Variants in ZNF106 observed in about 807,000 individuals in gnomAD.
ZNF106 encodes zinc finger protein 106, also known as SH3-domain binding protein 3.
A neutral mutation model predicts 195.1 loss-of-function variants in ZNF106; 67 were observed. That is an observed-to-expected ratio of 0.34 (90% CI 0.28 to 0.42). The LOEUF (loss-of-function observed/expected upper bound fraction) is 0.42, where lower values mean the gene tolerates loss of function less well. Ranked by LOEUF, ZNF106 falls within the 10% of genes least tolerant of loss-of-function variation. The probability of loss-of-function intolerance (pLI) is 1.00; values close to 1 mark genes in which losing one functional copy is unlikely to be tolerated. For missense variants in ZNF106, 2,118 were observed against 2,304.5 expected (o/e 0.92, Z 1.66); for synonymous variants, 784 against 818.6 (o/e 0.96, Z 0.72).
At chr15:42,457,702 G>A in intron 3 of ZNF106, 1 of 242,342 alleles carries the variant, frequency 4.1e-6, no homozygotes, top group Non-Finnish European at 6.7e-6. Context: ...CCCAGGAGTA[G>A]TCCAGGCAAA....
chr15:42,486,832 C>T (rs1445351276), intron 1 of ZNF106, among the ~76,000 whole-genome samples: 2 of 152,032 alleles, frequency 1.3e-5, no homozygotes, highest in African/African-American at 4.8e-5. Flanking sequence ...ACAATAAATA[C>T]ATATATTTTA....
chr15:42,455,025 A>C (rs2056181456), intron 4 of ZNF106, among the ~76,000 whole-genome samples: 2 of 152,250 alleles, frequency 1.3e-5, no homozygotes, highest in Non-Finnish European at 2.9e-5. Flanking sequence ...TTATTTACAC[A>C]GATAAAGCTA....
intron 19 of ZNF106, 134 bp from the exon 20 acceptor site, chr15:42,421,266 G>T: frequency 1.3e-6 from 1 of 777,056 alleles, no homozygotes; most frequent in Non-Finnish European, 2.2e-6. Flanking sequence ...CTCCAGAGCA[G>T]GAGAATGGGA....
intron 1 of ZNF106, among the ~76,000 whole-genome samples, chr15:42,479,386 T>A (rs973120963): frequency 6.6e-6 from 1 of 152,004 alleles, no homozygotes; most frequent in Admixed American, 6.6e-5. Flanking sequence ...AAAAAATTAA[T>A]AATAATTTTA....
chr15:42,421,350 G>T (rs1253761938), intron 19 of ZNF106, among the ~76,000 whole-genome samples: 2 of 152,150 alleles, frequency 1.3e-5, no homozygotes, highest in African/African-American at 4.8e-5. Flanking sequence ...GACCAGGGCA[G>T]AGAGGAGTGG....
rs1162719676 is a variant in ZNF106, at chr15:42,449,913, G to A, written c.2359C>T (p.Arg787Ter). 1.2e-6 allele frequency: 2 copies of A among 1,613,930 alleles called. No homozygotes were observed. The highest frequency in any genetic ancestry group is 1.7e-6 in the Non-Finnish European group (2 of 1,180,028). The change falls in exon 5 of 22, where the codon CGA becomes TGA. Residue 787 changes from arginine (R) to a stop codon, truncating the protein, a stop_gained. Transcript: ENST00000564754. LOFTEE classifies it high-confidence loss of function. ...ARRIRNISGH[R>*]KSETEKESGL... is the part of the protein sequence containing the mutation. ...GACTCCTTCTCTGTCTCACTCTTTC[G>A]GTGACCGCTAATATTGCGAATGCGG...
chr15:42,476,815 C>T (rs1041130393), intron 1 of ZNF106, among the ~76,000 whole-genome samples: 10 of 152,050 alleles, frequency 6.6e-5, no homozygotes, highest in Admixed American at 1.3e-4. Flanking sequence ...CAAACCTGTG[C>T]GGTTCAAGGG....
At chr15:42,460,145 G>T (rs2056355087) in intron 3 of ZNF106, among the ~76,000 whole-genome samples, 1 of 152,010 alleles carries the variant, frequency 6.6e-6, no homozygotes, top group East Asian at 1.9e-4. Context: ...ATGCTAAACT[G>T]AATATTGCAG....
chr15:42,422,825 C>G (rs550554853), intron 17 of ZNF106, among the ~76,000 whole-genome samples: 1 of 151,380 alleles, frequency 6.6e-6, no homozygotes, highest in South Asian at 2.1e-4. Flanking sequence ...ATTACATATA[C>G]AAAATATATG....
chr15:42,450,303 T>C lies in ZNF106; in HGVS notation c.1969A>G (p.Thr657Ala). 3 of 1,614,144 alleles carry C rather than the reference T, an allele frequency of 1.9e-6. No individual in the cohort carries two copies. The highest frequency in any genetic ancestry group is 2.5e-6 in the Non-Finnish European group (3 of 1,180,010). ...EKEEDDRILK[T>A]SRELSTSPCN... ...GGGGAAGTGGATAGCTCTCTAGAAG[T>C]CTTCAGGATGCGGTCATCCTCCTCT... The change falls in exon 5 of 22, where the codon ACT (threonine) becomes GCT (alanine). Residue 657 changes from threonine to alanine, a missense_variant. Coordinates refer to ENST00000564754, the MANE Select transcript of ZNF106 (RefSeq NM_001366845.3).
At chr15:42,484,859 G>A (rs964784535) in intron 1 of ZNF106, among the ~76,000 whole-genome samples, 1 of 151,766 alleles carries the variant, frequency 6.6e-6, no homozygotes, top group Non-Finnish European at 1.5e-5. Context: ...TATGCTTCAG[G>A]CAAAAAATAC....
At position 42,444,211 on chromosome 15, in the gene ZNF106, C is replaced by G. The variant is rs2055676722; in HGVS notation, c.3412G>C (p.Gly1138Arg). ...LRTHRIQILQ[G>R]LQETYEPSEH... ...GATGCCCTCTGAATACCTTGTAATC[C>G]CTGTAGAATCTGTATTCTATGGGTC... Residue 1138 changes from glycine (G) to arginine (R), a missense_variant, in exon 9 of 22, where the codon GGA becomes CGA. Transcript: ENST00000564754. 6.2e-7 allele frequency: 1 copy of G among 1,609,656 alleles called. No homozygotes were observed.
chr15:42,444,747 G>T (rs1233450706), intron 8 of ZNF106, 80 bp downstream of exon 8: 2 of 1,554,644 alleles, frequency 1.3e-6, no homozygotes, highest in Non-Finnish European at 1.7e-6. Context: ...CTTTTGGGGT[G>T]ACTCCAGACA....
At position 42,457,030 on chromosome 15, in the gene ZNF106, C is replaced by A; in HGVS notation, c.245G>T (p.Gly82Val). Residue 82 changes from glycine to valine, a missense_variant, in exon 4 of 22, where the codon GGA (glycine) becomes GTA (valine). Gly to Val is a moderately radical substitution (Grantham distance 109, BLOSUM62 -3). Transcript: ENST00000564754. ...AAAATAATCTTCTTCCTCTTCCTCT[C>A]CTTTTCCATCATCTTCTCTTTCCTG... ...DAQEREDDGKGEEEEEDYFDK... is the reference protein window; with the variant it reads ...DAQEREDDGKVEEEEEDYFDK... 1 of 1,609,870 alleles carries A rather than the reference C, an allele frequency of 6.2e-7. No individual in the cohort carries two copies. The highest frequency in any genetic ancestry group is 8.5e-7 in the Non-Finnish European group (1 of 1,177,686).
intron 14 of ZNF106, among the ~76,000 whole-genome samples, chr15:42,431,931 G>A: frequency 6.6e-6 from 1 of 152,128 alleles, no homozygotes; most frequent in East Asian, 1.9e-4. Context: ...TACAGTTCTT[G>A]TATATCCTTC....
chr15:42,486,453 G>C (rs1267384622), intron 1 of ZNF106, among the ~76,000 whole-genome samples: 1 of 151,972 alleles, frequency 6.6e-6, no homozygotes, highest in Non-Finnish European at 1.5e-5. Context: ...TAGAGACAGG[G>C]TCTCGCTTTG....
chr15:42,456,873 T>C (rs2056242679), intron 4 of ZNF106, 85 bp downstream of exon 4: 2 of 1,282,314 alleles, frequency 1.6e-6, no homozygotes, highest in South Asian at 2.9e-5. Context: ...TTAAATGCCA[T>C]GGGCTGACCA....
chr15:42,454,313 A>G (rs2056155731), intron 4 of ZNF106, among the ~76,000 whole-genome samples: 1 of 151,882 alleles, frequency 6.6e-6, no homozygotes, highest in South Asian at 2.1e-4. Flanking sequence ...GCAGTAGCAG[A>G]ATTTTTTTAT....
In ZNF106 at chr15:42,449,975, C is replaced by A; in HGVS notation, c.2297G>T (p.Gly766Val). The change falls in exon 5 of 22, where the codon GGA (glycine) becomes GTA (valine). Residue 766 changes from glycine (G) to valine (V), a missense_variant. Physicochemically the swap from Gly to Val is moderately radical, Grantham distance 109 (BLOSUM62 -3). Transcript: ENST00000564754. Reference protein sequence around the residue: ...TRHISLKSKTGVHLPEPNLNS... With the variant: ...TRHISLKSKTVVHLPEPNLNS... ...GAGGTTTGGCTCAGGAAGGTGTACT[C>A]CAGTTTTGCTCTTCAAACTAATGTG... is the stretch of plus-strand genomic sequence containing the variant. 1 of 1,614,156 alleles carries A rather than the reference C, an allele frequency of 6.2e-7. No individual in the cohort carries two copies. Among genetic ancestry groups the A allele is most frequent in the Non-Finnish European group, 8.5e-7 (1 of 1,180,038 alleles).
Sources: gnomAD v4.1 joint callset for allele counts (sites outside exome capture counted in the v4.1 genomes callset) on GRCh38, gnomAD v4.1.1 for gene constraint, MANE v1.5 for transcripts, NCBI Gene and HGNC (gene_info 2026-07-23, HGNC 2026-07-21) for gene names.